The following SNX5 variants were observed in gnomAD, a reference collection of about 807,000 sequenced individuals.
SNX5 encodes the protein sorting nexin-5.
SNX5 carries 31 observed loss-of-function variants against 53.9 expected under a neutral mutation model. That is an observed-to-expected ratio of 0.58 (90% CI 0.43 to 0.78). The LOEUF (loss-of-function observed/expected upper bound fraction) is 0.78, where lower values mean the gene tolerates loss of function less well. Among genes scored for constraint, SNX5 ranks in the 30% least tolerant of loss-of-function variants. SNX5 has a pLI of 0.00. For missense variants in SNX5, 471 were observed against 478.8 expected (o/e 0.98, Z 0.15); for synonymous variants, 168 against 171.1 (o/e 0.98, Z 0.14).
intron 11 of SNX5, 125 bp downstream of exon 11, chr20:17,947,361 C>A: frequency 2.0e-6 from 2 of 989,560 alleles, no homozygotes; most frequent in Admixed American, 2.6e-5. Context: ...AGTGATAAGG[C>A]AGAGGGGTGA....
At chr20:17,960,848 T>C (rs2035435850) in intron 1 of SNX5, among the ~76,000 whole-genome samples, 1 of 152,008 alleles carries the variant, frequency 6.6e-6, no homozygotes, top group Non-Finnish European at 1.5e-5. Context: ...ACCTCATCTC[T>C]ATTTCAGAAT....
At position 17,968,483 on chromosome 20, in the gene SNX5, C is replaced by T; in HGVS notation, c.-58G>A. 1 of 1,239,256 alleles carries T rather than the reference C, an allele frequency of 8.1e-7. No individual in the cohort carries two copies. 76.8% of individuals were successfully genotyped at this position (1,239,256 alleles called of 1,614,324 possible). On this transcript the variant is annotated 5_prime_UTR_variant, in exon 1 of 13. Transcript: ENST00000377759. ...CTGTGCGAGGAAAGAAGAAGCTGGG[C>T]CGCCGCCGCCGCCGCCTGGGCGCCT...
intron 1 of SNX5, among the ~76,000 whole-genome samples, chr20:17,963,537 A>C (rs1436851680): frequency 2.0e-5 from 3 of 152,140 alleles, no homozygotes; most frequent in Non-Finnish European, 4.4e-5. Context: ...CCTACTACCC[A>C]ATCCCATCAT....
At chr20:17,950,497 T>C (rs2039551816) in intron 6 of SNX5, 101 bp from the exon 7 acceptor site, 5 of 674,474 alleles carry the variant, frequency 7.4e-6, no homozygotes, top group South Asian at 5.8e-5. Flanking sequence ...GAACATGGCA[T>C]ATAAACGTGA....
chr20:17,945,181 G>T (rs2039470799), intron 11 of SNX5: 1 of 152,208 alleles, frequency 6.6e-6, no homozygotes. Flanking sequence ...ATGTTTATCA[G>T]TCCCTTGGAT....
chr20:17,951,888 T>C (rs550770040), intron 5 of SNX5, among the ~76,000 whole-genome samples: 24 of 152,264 alleles, frequency 1.6e-4, no homozygotes, highest in African/African-American at 5.5e-4. Context: ...CCATATTAAG[T>C]AGCAAAAACC....
At chr20:17,943,370 G>A in intron 11 of SNX5, 175 bp from the exon 12 acceptor site, 1 of 582,604 alleles carries the variant, frequency 1.7e-6, no homozygotes, top group South Asian at 2.0e-5. Context: ...TATTAACTGT[G>A]GTGATACAGC....
chr20:17,951,961 C>T (rs545243489), intron 5 of SNX5, among the ~76,000 whole-genome samples: 6 of 152,318 alleles, frequency 3.9e-5, no homozygotes, highest in South Asian at 4.1e-4. Flanking sequence ...CAGTGGCTCA[C>T]GCCTGTAATC....
chr20:17,964,631 C>T (rs1045798966), intron 1 of SNX5, among the ~76,000 whole-genome samples: 3 of 152,132 alleles, frequency 2.0e-5, no homozygotes, highest in Non-Finnish European at 4.4e-5. Flanking sequence ...CTTTAATAGC[C>T]GTTTCTCACT....
At position 17,953,930 on chromosome 20, in the gene SNX5, A is replaced by G. The variant is rs112814432; in HGVS notation, c.389+66T>C. On this transcript the variant is annotated intron_variant, in intron 4 of 12. Transcript: ENST00000377759. ...AAAATTAAGTCAGGTTCTTCTACTT[A>G]TTTTTGTACACAGCACCACTTTTCT... is the stretch of plus-strand genomic sequence containing the variant. The G allele has an allele frequency of 1.1e-3, 1,497 of 1,380,060 alleles. 11 individuals are homozygous for G. The African/African-American group carries it at 0.019, about 18-fold the overall frequency. The allele number at this position is 1,380,060 out of a possible 1,614,324, so 85.5% of individuals were successfully genotyped here.
Position 17,956,986 on chromosome 20 carries a change from T to G in SNX5, c.103A>C (p.Ile35Leu). The G allele has an allele frequency of 6.2e-7, 1 of 1,610,980 alleles. No individual in the cohort carries two copies. Among genetic ancestry groups the G allele is most frequent in the Non-Finnish European group, 8.5e-7 (1 of 1,177,282 alleles). The stretch of plus-strand genomic sequence containing the variant: ...TCTCTCTCACTGAGCGCATCAGGTA[T>G]GTCAATCTGAAGCGAGGGATCAACA... ...LNVDPSLQID[I>L]PDALSERDKV... The change falls in exon 2 of 13, where the codon ATA becomes CTA. Residue 35 changes from isoleucine to leucine, a missense_variant. Ile to Leu is a conservative substitution (Grantham distance 5). Transcript: ENST00000377759.
rs770573662 is a variant in SNX5 at position 17,955,415 on chromosome 20, CAA to C, written c.215_216del (p.Phe72CysfsTer5). ...TCAATAAGAGTGTCATGTAGCCACA[CAA>C]AGTCTTCATGTTGCCTTGTAACAGA... ...EFSVTRQHED[F>X]VWLHDTLIET... On this transcript the variant is annotated frameshift_variant, in exon 3 of 13. Coordinates refer to ENST00000377759, the MANE Select transcript of SNX5 (RefSeq NM_014426.4). LOFTEE classifies it high-confidence loss of function. 5 of 1,614,022 alleles carry C rather than the reference CAA, an allele frequency of 3.1e-6. No homozygotes were observed. The African/African-American group carries it at 4.0e-5, about 13-fold the overall frequency.
At chr20:17,957,841 G>A (rs1322106854) in intron 1 of SNX5, among the ~76,000 whole-genome samples, 1 of 152,034 alleles carries the variant, frequency 6.6e-6, no homozygotes, top group Admixed American at 6.6e-5. Context: ...AGACAGGAGG[G>A]GTGAATTAGA....
In SNX5 at chr20:17,950,350, T is replaced by C. The variant is rs757620155; in HGVS notation, c.656A>G (p.Tyr219Cys). 3 of 1,613,432 alleles carry C rather than the reference T, an allele frequency of 1.9e-6. No homozygotes were observed. The highest frequency in any genetic ancestry group is 2.5e-6 in the Non-Finnish European group (3 of 1,179,490). The change falls in exon 7 of 13, where the codon TAT becomes TGT. Residue 219 changes from tyrosine (Y) to cysteine (C), a missense_variant. Transcript: ENST00000377759. The stretch of plus-strand genomic sequence containing the variant: ...ACAAGAATCTTTGATCCTATTGTAA[T>C]AGTTAATAAGGAAGTTCTTCTCTTG... ...FEQEKNFLIN[Y>C]YNRIKDSCVK...
At chr20:17,945,618 T>TAAAA (rs200108277) in intron 11 of SNX5, 1 of 148,930 alleles carries the variant, frequency 6.7e-6, no homozygotes, top group Non-Finnish European at 1.5e-5. Flanking sequence ...AATTTTAGTT[T>TAAAA]TAAAAAAAAA....
intron 1 of SNX5, among the ~76,000 whole-genome samples, chr20:17,958,944 TAAG>T (rs908037905): frequency 3.9e-5 from 6 of 152,224 alleles, no homozygotes; most frequent in African/African-American, 1.4e-4. Flanking sequence ...GAGCCAGGCC[TAAG>T]AAGTAGCCAT....
intron 1 of SNX5, among the ~76,000 whole-genome samples, chr20:17,963,106 C>T (rs1661492393): frequency 6.6e-6 from 1 of 152,348 alleles, no homozygotes; most frequent in East Asian, 1.9e-4. Context: ...AACTAATGAT[C>T]TGTAAGGATC....
At chr20:17,968,297 C>T in intron 1 of SNX5, 78 bp downstream of exon 1, 1 of 1,169,926 alleles carries the variant, frequency 8.5e-7, no homozygotes, top group Non-Finnish European at 1.1e-6. Context: ...GGCCTATGGA[C>T]GCGCAAGGGA....
At chr20:17,944,234 T>C (rs1308359134) in intron 11 of SNX5, 2 of 152,154 alleles carry the variant, frequency 1.3e-5, no homozygotes, top group Non-Finnish European at 2.9e-5. Flanking sequence ...AGGCTGCAGC[T>C]AAACTCAAGG....
Sources: gnomAD v4.1 joint callset for allele counts (sites outside exome capture counted in the v4.1 genomes callset) on GRCh38, gnomAD v4.1.1 for gene constraint, MANE v1.5 for transcripts, NCBI Gene and HGNC (gene_info 2026-07-23, HGNC 2026-07-21) for gene names.